TMEM17: variants seen among roughly 807,000 people sequenced by gnomAD.
TMEM17 encodes the protein transmembrane protein 17.
Under a neutral mutation model 19.1 loss-of-function variants are expected in TMEM17, and 15 were observed. The ratio of observed to expected loss-of-function variants is 0.78; its 90% confidence interval spans 0.52 to 1.21. The LOEUF (loss-of-function observed/expected upper bound fraction) is 1.21. Ranked by LOEUF, TMEM17 falls within the 50% of genes most tolerant of loss-of-function variation. TMEM17 has a pLI of 0.00. For synonymous variants in TMEM17, 103 were observed against 86.9 expected (o/e 1.19, Z -1.03); for missense variants, 245 against 242.3 (o/e 1.01, Z -0.07).
At chr2:62,454,655 G>T in the TMEM17 span, among the ~76,000 whole-genome samples, 1 of 152,162 alleles carries the variant, frequency 6.6e-6, no homozygotes, top group East Asian at 1.9e-4. Flanking sequence ...CTATATCCTA[G>T]ATTTGCCTTT....
chr2:62,503,334 C>A (rs1324296902), intron 1 of TMEM17, among the ~76,000 whole-genome samples: 2 of 152,150 alleles, frequency 1.3e-5, no homozygotes, highest in Non-Finnish European at 2.9e-5. Flanking sequence ...TCAGTTCCCC[C>A]ACCTCAGCAG....
At chr2:62,455,177 C>A in the TMEM17 span, among the ~76,000 whole-genome samples, 1 of 152,326 alleles carries the variant, frequency 6.6e-6, no homozygotes, top group East Asian at 1.9e-4. Context: ...ATCTTTCTGT[C>A]TCTATGGATT....
the TMEM17 span, among the ~76,000 whole-genome samples, chr2:62,471,032 G>A: frequency 7.2e-5 from 11 of 152,212 alleles, no homozygotes; most frequent in African/African-American, 2.2e-4. Context: ...GCAATGGAGA[G>A]GAAGCTCAGC....
intron 1 of TMEM17, among the ~76,000 whole-genome samples, chr2:62,504,840 G>C (rs1180439574): frequency 2.0e-5 from 3 of 152,096 alleles, no homozygotes; most frequent in African/African-American, 7.2e-5. Flanking sequence ...TGTCCATAAA[G>C]TTTTATTGGA....
the TMEM17 span, among the ~76,000 whole-genome samples, chr2:62,470,004 G>T: frequency 6.6e-6 from 1 of 152,130 alleles, no homozygotes; most frequent in Non-Finnish European, 1.5e-5. Flanking sequence ...TGATCCACAT[G>T]TCCAGCATGT....
chr2:62,455,919 T>C, the TMEM17 span, among the ~76,000 whole-genome samples: 1 of 152,234 alleles, frequency 6.6e-6, no homozygotes, highest in Non-Finnish European at 1.5e-5. Context: ...AAGTGGTATC[T>C]CATTGTGGTT....
the TMEM17 span, among the ~76,000 whole-genome samples, chr2:62,481,859 G>T: frequency 6.6e-6 from 1 of 152,086 alleles, no homozygotes; most frequent in African/African-American, 2.4e-5. Context: ...AAGTGCAGGT[G>T]AGAAAAAGGA....
chr2:62,502,245 C>A, intron 3 of TMEM17, 192 bp downstream of exon 3: 2 of 398,906 alleles, frequency 5.0e-6, no homozygotes, highest in Non-Finnish European at 9.2e-6. Flanking sequence ...TATTATTTTC[C>A]TCATTTTATA....
At chr2:62,477,328 C>T in the TMEM17 span, among the ~76,000 whole-genome samples, 796 of 152,258 alleles carry the variant, frequency 5.2e-3, 10 homozygotes, top group African/African-American at 0.018. Flanking sequence ...ACCCAGGAGG[C>T]GGAGGTTGCA....
chr2:62,470,385 G>T, the TMEM17 span, among the ~76,000 whole-genome samples: 2 of 152,228 alleles, frequency 1.3e-5, no homozygotes, highest in Admixed American at 6.5e-5. Context: ...ATGTTCCCAT[G>T]CAGAGTTCTC....
At chr2:62,504,820 C>T (rs1420163324) in intron 1 of TMEM17, among the ~76,000 whole-genome samples, 2 of 152,138 alleles carry the variant, frequency 1.3e-5, no homozygotes, top group Non-Finnish European at 2.9e-5. Context: ...ATATGAAATA[C>T]AAATTTCAGT....
the TMEM17 span, among the ~76,000 whole-genome samples, chr2:62,455,762 G>A: frequency 4.1e-4 from 62 of 152,160 alleles, no homozygotes; most frequent in Non-Finnish European, 7.2e-4. Flanking sequence ...GCAAGACTCC[G>A]TCTCAAAAAA....
downstream of TMEM17, among the ~76,000 whole-genome samples, chr2:62,498,694 C>T (rs1446850017): frequency 7.0e-6 from 1 of 143,214 alleles, no homozygotes. Flanking sequence ...CCAGCCTGGG[C>T]GACAGAGCGA....
the TMEM17 span, among the ~76,000 whole-genome samples, chr2:62,476,293 G>A: frequency 6.6e-6 from 1 of 152,212 alleles, no homozygotes; most frequent in Non-Finnish European, 1.5e-5. Context: ...TGATGCTCTG[G>A]AAGCTTGCAG....
the TMEM17 span, among the ~76,000 whole-genome samples, chr2:62,468,874 C>T: frequency 1.3e-5 from 2 of 152,184 alleles, no homozygotes; most frequent in African/African-American, 4.8e-5. Context: ...CAGAGTTTGA[C>T]AGAGCCAAGT....
At chr2:62,454,191 G>A in the TMEM17 span, among the ~76,000 whole-genome samples, 3 of 152,198 alleles carry the variant, frequency 2.0e-5, no homozygotes, top group Admixed American at 1.3e-4. Context: ...CAGCCTAGTC[G>A]GCAGAGTGGA....
intron 1 of TMEM17, among the ~76,000 whole-genome samples, 170 bp downstream of exon 1, chr2:62,505,860 C>A (rs1266148072): frequency 6.6e-6 from 1 of 152,246 alleles, no homozygotes; most frequent in African/African-American, 2.4e-5. Flanking sequence ...GCCGCCAGCG[C>A]CTCAGCTCCC....
At chr2:62,477,928 C>T in the TMEM17 span, among the ~76,000 whole-genome samples, 1 of 152,202 alleles carries the variant, frequency 6.6e-6, no homozygotes, top group African/African-American at 2.4e-5. Context: ...CCTGGAACTC[C>T]CACTGCTTCA....
the TMEM17 span, among the ~76,000 whole-genome samples, chr2:62,475,648 G>T: frequency 6.6e-6 from 1 of 152,210 alleles, no homozygotes; most frequent in East Asian, 1.9e-4. Flanking sequence ...CCTGTCAATT[G>T]TAAAGAGGAG....
Sources: allele counts gnomAD v4.1 joint callset (sites outside exome capture counted in the v4.1 genomes callset), GRCh38; gene constraint gnomAD v4.1.1; transcripts MANE v1.5; gene names NCBI Gene and HGNC (gene_info 2026-07-23, HGNC 2026-07-21).